The following TMEM101 variants were observed in gnomAD, a reference collection of about 807,000 sequenced individuals.
The protein encoded by TMEM101 is transmembrane protein 101.
A neutral mutation model predicts 26.0 loss-of-function variants in TMEM101; 14 were observed. The ratio of observed to expected loss-of-function variants is 0.54; its 90% CI spans 0.36 to 0.84. TMEM101 has a LOEUF of 0.84. Among genes scored for constraint, TMEM101 ranks in the 40% least tolerant of loss-of-function variants. The pLI is 0.01. For synonymous variants in TMEM101, 152 were observed against 145.1 expected (o/e 1.05, Z -0.34); for missense variants, 292 against 345.1 (o/e 0.85, Z 1.22).
Position 44,014,428 on chromosome 17 carries a change from C to T in TMEM101, c.247G>A (p.Ala83Thr). ...TAGGTGCTAATGGCCAATTGGAGTG[C>T]GGCCCCCAGCGCGAACCAGCGCCGC... ...VKRRWFALGA[A>T]LQLAISTYAA... The change falls in exon 2 of 4, where the codon GCA (alanine) becomes ACA (threonine). Residue 83 changes from alanine to threonine, a missense_variant. Coordinates refer to ENST00000206380, the MANE Select transcript of TMEM101 (RefSeq NM_032376.4). 1 of 1,556,860 alleles carries T rather than the reference C, an allele frequency of 6.4e-7. No homozygotes were observed. Among genetic ancestry groups the T allele is most frequent in the Non-Finnish European group, 8.7e-7 (1 of 1,149,814 alleles).
At chr17:44,012,627 G>C (rs934328299) in intron 3 of TMEM101, 4 of 402,586 alleles carry the variant, frequency 9.9e-6, no homozygotes, top group African/African-American at 8.1e-5. Flanking sequence ...ACCATAAGTG[G>C]CTACCCTAGA....
At chr17:44,015,821 CAA>C (rs1461886839), upstream of TMEM101, among the ~76,000 whole-genome samples, 4 of 152,166 alleles carry the variant, frequency 2.6e-5, no homozygotes, top group Non-Finnish European at 5.9e-5. Context: ...CCTCCTGGCT[CAA>C]AGTCACCTCT....
chr17:44,017,850 G>T (rs1471620036), upstream of TMEM101, among the ~76,000 whole-genome samples: 1 of 152,132 alleles, frequency 6.6e-6, no homozygotes, highest in Non-Finnish European at 1.5e-5. Context: ...GGCCACTAGG[G>T]TCGGGCATGG....
At chr17:44,015,068 T>A (rs976859874), upstream of TMEM101, 154 of 1,415,712 alleles carry the variant, frequency 1.1e-4, no homozygotes, top group Non-Finnish European at 1.4e-4. Context: ...AACAACGGTG[T>A]CATTCTCTAG....
chr17:44,015,084 G>C (rs1002310749), upstream of TMEM101: 8 of 1,282,930 alleles, frequency 6.2e-6, no homozygotes, highest in Non-Finnish European at 8.5e-6. Flanking sequence ...TCTAGTTCCG[G>C]ATCTAAGGTG....
upstream of TMEM101, among the ~76,000 whole-genome samples, chr17:44,016,421 T>C (rs1437706285): frequency 1.3e-5 from 2 of 152,192 alleles, no homozygotes; most frequent in Non-Finnish European, 2.9e-5. Context: ...TCCAACCGCC[T>C]TGGCCTCCCA....
upstream of TMEM101, among the ~76,000 whole-genome samples, chr17:44,019,086 G>A (rs2049260617): frequency 6.6e-6 from 1 of 152,090 alleles, no homozygotes; most frequent in Admixed American, 6.6e-5. Flanking sequence ...GACGAGTGAG[G>A]GGAGAAGAAA....
upstream of TMEM101, among the ~76,000 whole-genome samples, chr17:44,019,936 AG>A (rs1389304294): frequency 1.3e-5 from 2 of 152,246 alleles, no homozygotes; most frequent in African/African-American, 2.4e-5. Flanking sequence ...CTTGGGCTGC[AG>A]TAAGCAAACC....
intron 2 of TMEM101, among the ~76,000 whole-genome samples, chr17:44,020,612 C>G (rs2049276408): frequency 6.6e-6 from 1 of 152,188 alleles, no homozygotes; most frequent in Admixed American, 6.5e-5. Flanking sequence ...ATCCCAGCTA[C>G]TTGGGAGGCT....
intron 2 of TMEM101, among the ~76,000 whole-genome samples, chr17:44,020,592 T>C (rs532826301): frequency 1.3e-5 from 2 of 152,180 alleles, no homozygotes; most frequent in South Asian, 2.1e-4. Context: ...CGTGGCGACA[T>C]GCACCTATAA....
chr17:44,019,854 G>A (rs2049270474), upstream of TMEM101, among the ~76,000 whole-genome samples: 1 of 152,164 alleles, frequency 6.6e-6, no homozygotes. Flanking sequence ...GGCTTTGCAA[G>A]GAGATTCATA....
chr17:44,011,791 A>G lies in TMEM101; in HGVS notation c.*137T>C. ...ACAAATGAGCTGCCTCTTAACTGCA[A>G]AAAACAATTTTAAAAAAGCAAAAGA... On this transcript the variant is annotated 3_prime_UTR_variant, in exon 4 of 4. Coordinates refer to ENST00000206380, the MANE Select transcript of TMEM101 (RefSeq NM_032376.4). 12 of 1,048,962 alleles carry G rather than the reference A, an allele frequency of 1.1e-5. No individual in the cohort carries two copies. Among genetic ancestry groups the G allele is most frequent in the Non-Finnish European group, 1.6e-5 (12 of 743,566 alleles). 65.0% of individuals were successfully genotyped at this position (1,048,962 alleles called of 1,614,324 possible). A position where few individuals can be genotyped will look rare whatever the true frequency, so the allele number is the denominator to read the frequency against.
intron 1 of TMEM101, among the ~76,000 whole-genome samples, chr17:44,022,445 G>A (rs1400653287): frequency 2.0e-5 from 3 of 152,278 alleles, no homozygotes; most frequent in African/African-American, 7.2e-5. Context: ...TCAAGACATA[G>A]GCCTGGCATT....
At chr17:44,015,860 G>A (rs1435429810), upstream of TMEM101, among the ~76,000 whole-genome samples, 2 of 152,072 alleles carry the variant, frequency 1.3e-5, no homozygotes, top group African/African-American at 4.8e-5. Context: ...CCTGTGCCCT[G>A]AGAGAAAAAG....
chr17:44,013,084 C>T lies in TMEM101; in HGVS notation c.390G>A (p.Leu130=), dbSNP rs765083352. The change falls in exon 3 of 4, where the codon CTG becomes CTA. Residue 130 remains leucine (L), a synonymous_variant. Coordinates refer to ENST00000206380, the MANE Select transcript of TMEM101 (RefSeq NM_032376.4). ...FLVLASGAGE[L]YRRKPRSRSL... ...AGCGGCTGCGAGGTTTCCGGCGGTA[C>T]AGCTCCCCAGCACCGCTGGCCAACA... 4.0e-5 allele frequency: 64 copies of T among 1,610,456 alleles called. No homozygotes were observed. Among genetic ancestry groups the T allele is most frequent in the Non-Finnish European group, 5.2e-5 (61 of 1,177,600 alleles).
At position 44,011,655 on chromosome 17, in the gene TMEM101, G is replaced by A; in HGVS notation, c.*273C>T. 1 of 475,068 alleles carries A rather than the reference G, an allele frequency of 2.1e-6. No individual in the cohort carries two copies. The highest frequency in any genetic ancestry group is 3.8e-6 in the Non-Finnish European group (1 of 265,274). The allele number at this position is 475,068 out of a possible 1,614,324, so 29.4% of individuals were successfully genotyped here. Reference sequence around the variant, plus strand: ...CAGCCCTGCCATACTCCCTTCTCAGGGACAGGAGACTCAGTGGGCAGCTGG... The same window carrying A: ...CAGCCCTGCCATACTCCCTTCTCAGAGACAGGAGACTCAGTGGGCAGCTGG... On this transcript the variant is annotated 3_prime_UTR_variant, in exon 4 of 4. Coordinates refer to ENST00000206380, the MANE Select transcript of TMEM101 (RefSeq NM_032376.4).
chr17:44,018,691 T>C (rs879309818), upstream of TMEM101, among the ~76,000 whole-genome samples: 3 of 152,156 alleles, frequency 2.0e-5, no homozygotes, highest in East Asian at 3.8e-4. Context: ...GTTGTCCCTA[T>C]AGGCACAATG....
intron 2 of TMEM101, among the ~76,000 whole-genome samples, chr17:44,014,035 A>G (rs1365211711): frequency 6.6e-6 from 1 of 152,184 alleles, no homozygotes; most frequent in Non-Finnish European, 1.5e-5. Flanking sequence ...CATGAGTCTG[A>G]GATTACTAAA....
upstream of TMEM101, chr17:44,015,259 AGCCCGATCAGG>A (rs2049217190): frequency 4.1e-6 from 1 of 243,808 alleles, no homozygotes; most frequent in Admixed American, 5.1e-5. Flanking sequence ...CTTTGAATGC[AGCCCGATCAGG>A]GCCCTAATCC....
Sources: allele counts gnomAD v4.1 joint callset (sites outside exome capture counted in the v4.1 genomes callset), GRCh38; gene constraint gnomAD v4.1.1; transcripts MANE v1.5; gene names NCBI Gene and HGNC (gene_info 2026-07-23, HGNC 2026-07-21).